OPCML: variants seen among roughly 807,000 people sequenced by gnomAD.
OPCML encodes opioid-binding protein/cell adhesion molecule.
A neutral mutation model predicts 37.8 loss-of-function variants in OPCML; 13 were observed. The ratio of observed to expected loss-of-function variants is 0.34; its 90% CI spans 0.22 to 0.55. OPCML has a LOEUF of 0.55. Ranked by LOEUF, OPCML falls within the 20% of genes least tolerant of loss-of-function variation. The probability of loss-of-function intolerance (pLI) is 0.91; values close to 1 mark genes in which losing one functional copy is unlikely to be tolerated. For synonymous variants in OPCML, 176 were observed against 168.8 expected (o/e 1.04, Z -0.33); for missense variants, 341 against 435.6 (o/e 0.78, Z 1.93).
intron 3 of OPCML, among the ~76,000 whole-genome samples, chr11:132,578,996 AT>A (rs2096456711): frequency 6.6e-6 from 1 of 152,122 alleles, no homozygotes; most frequent in Admixed American, 6.6e-5. Context: ...AAAAAGCAAA[AT>A]TTTAAGAAAT....
chr11:132,539,308 T>C (rs1376859655), intron 3 of OPCML, among the ~76,000 whole-genome samples: 2 of 152,142 alleles, frequency 1.3e-5, no homozygotes, highest in East Asian at 3.9e-4. Flanking sequence ...GCTGGGCAGA[T>C]GGATCAGCCT....
intron 2 of OPCML, among the ~76,000 whole-genome samples, chr11:132,845,766 T>C (rs1941501290): frequency 2.0e-5 from 3 of 152,220 alleles, no homozygotes; most frequent in Admixed American, 6.5e-5. Flanking sequence ...ACTCTCTCTG[T>C]CTTTCACTCT....
intron 1 of OPCML, among the ~76,000 whole-genome samples, chr11:133,063,309 C>T (rs1052410641): frequency 6.6e-6 from 1 of 152,132 alleles, no homozygotes; most frequent in Non-Finnish European, 1.5e-5. Flanking sequence ...TTCCAGCCTC[C>T]TGTCTCCTTC....
At chr11:133,016,115 T>G (rs1311177076) in intron 1 of OPCML, among the ~76,000 whole-genome samples, 5 of 152,258 alleles carry the variant, frequency 3.3e-5, no homozygotes, top group Non-Finnish European at 7.3e-5. Flanking sequence ...TGTAGTCATT[T>G]TCTATCGTTG....
intron 3 of OPCML, among the ~76,000 whole-genome samples, chr11:132,587,855 A>T (rs146154222): frequency 6.6e-6 from 1 of 152,252 alleles, no homozygotes; most frequent in African/African-American, 2.4e-5. Flanking sequence ...GGTGAAATGC[A>T]TCAGTACAGA....
chr11:132,770,060 T>C (rs1946586977), intron 2 of OPCML, among the ~76,000 whole-genome samples: 1 of 152,084 alleles, frequency 6.6e-6, no homozygotes. Flanking sequence ...AGCAAGATCC[T>C]TCAGATTTCA....
chr11:132,673,025 A>T lies in OPCML; in HGVS notation c.147-15706T>A, dbSNP rs577652980. ...AGGCCTTCATTTGTCAAGCTTAAAA[A>T]AAAATCCTAACACCATTTGACCTGT... On this transcript the variant is annotated intron_variant, in intron 2 of 7. Transcript: ENST00000524381. Among the ~76,000 whole-genome samples, 76 of 152,296 alleles carry T rather than the reference A, an allele frequency of 5.0e-4. No individual in the cohort carries two copies. In the South Asian group the frequency reaches 0.016, roughly 32 times the overall value.
Position 133,206,548 on chromosome 11 carries a change from G to A in OPCML, c.62-263538C>T, listed in dbSNP as rs940300283. Among the ~76,000 whole-genome samples, 1 of 152,118 alleles carries A rather than the reference G, an allele frequency of 6.6e-6. No homozygotes were observed. Among genetic ancestry groups the A allele is most frequent in the Non-Finnish European group, 1.5e-5 (1 of 68,026 alleles). On this transcript the variant is annotated intron_variant, in intron 1 of 7. Coordinates refer to ENST00000524381, the MANE Select transcript of OPCML (RefSeq NM_001012393.5). The surrounding 1 kb of genome is among the most constrained non-coding windows in gnomAD (Gnocchi z 4.7). ...ACACCCTGTACTCTCAGAAACATTT[G>A]CATATCTAAGCCACTAATAAATGAA...
intron 2 of OPCML, among the ~76,000 whole-genome samples, chr11:132,726,508 A>AT (rs11454717): frequency 0.64 from 95,173 of 149,582 alleles, 30,606 homozygotes; most frequent in East Asian, 0.89. Context: ...CCATATCAAC[A>AT]TTTTTTTTTT....
intron 1 of OPCML, among the ~76,000 whole-genome samples, chr11:133,144,936 A>G (rs1432710402): frequency 6.6e-6 from 1 of 152,248 alleles, no homozygotes; most frequent in African/African-American, 2.4e-5. Flanking sequence ...AATTAATTCA[A>G]GTTTCTGGAA....
intron 2 of OPCML, among the ~76,000 whole-genome samples, chr11:132,865,528 A>G (rs1280751620): frequency 6.6e-6 from 1 of 152,168 alleles, no homozygotes; most frequent in African/African-American, 2.4e-5. Flanking sequence ...AAACAGCATC[A>G]TGTTTTCATG....
At chr11:132,754,892 C>T (rs928539559) in intron 2 of OPCML, among the ~76,000 whole-genome samples, 9 of 152,124 alleles carry the variant, frequency 5.9e-5, no homozygotes, top group African/African-American at 2.2e-4. Flanking sequence ...ACTAAAGATT[C>T]ATCCACAGTG....
intron 1 of OPCML, among the ~76,000 whole-genome samples, chr11:133,306,708 G>T (rs959970419): frequency 6.6e-6 from 1 of 152,178 alleles, no homozygotes; most frequent in African/African-American, 2.4e-5. Flanking sequence ...TCAGTTAAAT[G>T]ATGAAGGGGT....
At chr11:133,326,479 T>C (rs1943459634) in intron 1 of OPCML, among the ~76,000 whole-genome samples, 1 of 101,168 alleles carries the variant, frequency 9.9e-6, no homozygotes, top group Non-Finnish European at 1.9e-5. Flanking sequence ...TGTGTATGTG[T>C]ATGAGGGGGT....
At chr11:132,510,903 A>G (rs193010967) in intron 4 of OPCML, among the ~76,000 whole-genome samples, 60 of 152,312 alleles carry the variant, frequency 3.9e-4, no homozygotes, top group Non-Finnish European at 7.1e-4. Context: ...TTTTTCCTCT[A>G]ATCAGAAATT....
intron 1 of OPCML, among the ~76,000 whole-genome samples, chr11:133,269,345 A>C (rs999951298): frequency 6.6e-6 from 1 of 152,162 alleles, no homozygotes; most frequent in African/African-American, 2.4e-5. Flanking sequence ...GGTGTATATG[A>C]CTGAACAGGG....
At chr11:133,163,675 T>G (rs1276630079) in intron 1 of OPCML, among the ~76,000 whole-genome samples, 1 of 152,198 alleles carries the variant, frequency 6.6e-6, no homozygotes, top group Non-Finnish European at 1.5e-5. Flanking sequence ...AACATTTCAG[T>G]GTGAGTGTTG....
chr11:132,945,858 C>T (rs1945735253), intron 1 of OPCML, among the ~76,000 whole-genome samples: 1 of 152,230 alleles, frequency 6.6e-6, no homozygotes, highest in Admixed American at 6.5e-5. Flanking sequence ...TCTCGGCTCA[C>T]TGCAAGCTCC....
intron 2 of OPCML, among the ~76,000 whole-genome samples, chr11:132,929,978 A>C (rs2136625448): frequency 6.6e-6 from 1 of 152,346 alleles, no homozygotes; most frequent in East Asian, 1.9e-4. Context: ...AAAAGATGGA[A>C]AGTTTTTCTT....
Sources: gnomAD v4.1 joint callset for allele counts (sites outside exome capture counted in the v4.1 genomes callset) on GRCh38, gnomAD v4.1.1 for gene constraint, Gnocchi (gnomAD v3.1) non-coding constraint, MANE v1.5 for transcripts, NCBI Gene and HGNC (gene_info 2026-07-23, HGNC 2026-07-21) for gene names.